The following WDR7 variants were observed in gnomAD, a reference collection of about 807,000 sequenced individuals.
The protein encoded by WDR7 is WD repeat-containing protein 7.
A neutral mutation model predicts 169.4 loss-of-function variants in WDR7; 46 were observed. That is an observed-to-expected ratio of 0.27 (90% CI 0.21 to 0.35). The LOEUF is 0.35. Among genes scored for constraint, WDR7 ranks in the 10% least tolerant of loss-of-function variants. The probability of loss-of-function intolerance (pLI) is 1.00; values close to 1 mark genes in which losing one functional copy is unlikely to be tolerated. For missense variants in WDR7, 1,534 were observed against 1,859.3 expected (o/e 0.83, Z 3.22); for synonymous variants, 612 against 666.8 (o/e 0.92, Z 1.27).
intron 13 of WDR7, chr18:56,721,854 T>C (rs1367021538): frequency 6.6e-6 from 1 of 152,224 alleles, no homozygotes; most frequent in East Asian, 1.9e-4. Context: ...CAAAAGTGAT[T>C]CCCACATCAT....
At chr18:56,757,577 A>T (rs2043913343) in intron 15 of WDR7, among the ~76,000 whole-genome samples, 1 of 152,144 alleles carries the variant, frequency 6.6e-6, no homozygotes, top group Non-Finnish European at 1.5e-5. Flanking sequence ...GATGTTTTTT[A>T]AAAATTTGGA....
At chr18:56,672,031 A>C (rs1300523883) in intron 1 of WDR7, among the ~76,000 whole-genome samples, 1 of 152,102 alleles carries the variant, frequency 6.6e-6, no homozygotes, top group African/African-American at 2.4e-5. Context: ...TTTGTATTTG[A>C]GTTTTATGAC....
chr18:56,716,262 T>A (rs950280246), intron 12 of WDR7, among the ~76,000 whole-genome samples: 2 of 152,218 alleles, frequency 1.3e-5, no homozygotes, highest in Non-Finnish European at 2.9e-5. Context: ...ATAAGTAAGC[T>A]TAAAACATGC....
intron 19 of WDR7, among the ~76,000 whole-genome samples, chr18:56,804,324 T>A (rs1242155507): frequency 6.6e-6 from 1 of 152,146 alleles, no homozygotes; most frequent in Non-Finnish European, 1.5e-5. Flanking sequence ...AAGATTAGAA[T>A]CCTTAAAGTC....
Position 57,027,499 on chromosome 18 carries a change from C to T in WDR7, c.*292C>T, listed in dbSNP as rs1035194931. The T allele has an allele frequency of 8.8e-6, 4 of 453,876 alleles. No individual in the cohort carries two copies. The highest frequency in any genetic ancestry group is 1.6e-5 in the Non-Finnish European group (4 of 250,974). 28.1% of individuals were successfully genotyped at this position (453,876 alleles called of 1,614,324 possible). On this transcript the variant is annotated 3_prime_UTR_variant, in exon 28 of 28. Coordinates refer to ENST00000254442, the MANE Select transcript of WDR7 (RefSeq NM_015285.3). ...AAAGCCAGTGGTTCCTGGGAACGCTCTTGTTGCTTGGTGCAACAGAAGCAC... is the reference window on the plus strand; with the variant it reads ...AAAGCCAGTGGTTCCTGGGAACGCTTTTGTTGCTTGGTGCAACAGAAGCAC...
At chr18:57,016,855 C>A (rs913242429) in intron 26 of WDR7, among the ~76,000 whole-genome samples, 2 of 152,118 alleles carry the variant, frequency 1.3e-5, no homozygotes, top group Non-Finnish European at 2.9e-5. Flanking sequence ...TGTAGCACTT[C>A]CTGAATTTGA....
chr18:56,670,901 T>A (rs2025120539), intron 1 of WDR7, among the ~76,000 whole-genome samples: 1 of 152,148 alleles, frequency 6.6e-6, no homozygotes. Flanking sequence ...GATCTGAGAG[T>A]ACTCTCTTCT....
intron 21 of WDR7, among the ~76,000 whole-genome samples, chr18:56,900,847 G>C (rs1246062341): frequency 6.6e-6 from 1 of 152,116 alleles, no homozygotes; most frequent in Non-Finnish European, 1.5e-5. Context: ...CTTGGGGAGG[G>C]AAGTGTTTTT....
chr18:56,714,193 T>A (rs2026142709), intron 12 of WDR7, among the ~76,000 whole-genome samples: 2 of 152,130 alleles, frequency 1.3e-5, no homozygotes, highest in South Asian at 4.1e-4. Flanking sequence ...TGGACTAGCA[T>A]TTTTTTGAAA....
chr18:56,886,249 A>C (rs2046191592), intron 21 of WDR7, among the ~76,000 whole-genome samples: 1 of 152,202 alleles, frequency 6.6e-6, no homozygotes, highest in African/African-American at 2.4e-5. Flanking sequence ...TAACCTATAA[A>C]GGAAAACCTA....
intron 12 of WDR7, among the ~76,000 whole-genome samples, chr18:56,703,805 GTTTT>G: frequency 6.8e-6 from 1 of 146,032 alleles, no homozygotes; most frequent in East Asian, 2.0e-4. Flanking sequence ...TTGCTTTAAA[GTTTT>G]TTTTTTTGCC....
intron 19 of WDR7, among the ~76,000 whole-genome samples, chr18:56,787,144 T>C (rs2044413485): frequency 6.6e-6 from 1 of 152,060 alleles, no homozygotes; most frequent in African/African-American, 2.4e-5. Context: ...TTTTATGAGG[T>C]CAAGCACCTG....
At chr18:56,691,674 G>T in intron 8 of WDR7, 41 bp from the exon 9 acceptor site, 1 of 1,519,914 alleles carries the variant, frequency 6.6e-7, no homozygotes, top group Non-Finnish European at 9.0e-7. Flanking sequence ...AGTATTTAAT[G>T]TCAGTATTTT....
intron 26 of WDR7, among the ~76,000 whole-genome samples, chr18:56,983,568 CACAGAGAGAGAGAG>C (rs781651829): frequency 7.6e-5 from 11 of 145,176 alleles, no homozygotes; most frequent in Non-Finnish European, 1.3e-4. Context: ...CACACACACA[CACAGAGAGAGAGAG>C]AGAGAGAGAG....
At chr18:56,681,128 T>A (rs945197391) in intron 3 of WDR7, among the ~76,000 whole-genome samples, 185 bp from the exon 4 acceptor site, 1 of 152,004 alleles carries the variant, frequency 6.6e-6, no homozygotes, top group African/African-American at 2.4e-5. Flanking sequence ...GGGTGGGCAG[T>A]TTGGAAGGGG....
chr18:56,996,207 G>T (rs2047897024), intron 26 of WDR7, among the ~76,000 whole-genome samples: 1 of 152,102 alleles, frequency 6.6e-6, no homozygotes, highest in Admixed American at 6.6e-5. Flanking sequence ...CTCCTAAATT[G>T]TTCATCAAGC....
intron 20 of WDR7, among the ~76,000 whole-genome samples, chr18:56,848,316 T>C (rs1425333636): frequency 6.6e-6 from 1 of 152,260 alleles, no homozygotes; most frequent in East Asian, 1.9e-4. Context: ...GTTTACCTTA[T>C]GCCTGTAGCA....
intron 19 of WDR7, among the ~76,000 whole-genome samples, chr18:56,800,008 G>C (rs1226050843): frequency 6.6e-6 from 1 of 152,114 alleles, no homozygotes; most frequent in South Asian, 2.1e-4. Flanking sequence ...AGAGTAGGCT[G>C]CCTTGTTTAA....
At chr18:56,998,044 CT>C (rs1208271380) in intron 26 of WDR7, among the ~76,000 whole-genome samples, 2 of 152,112 alleles carry the variant, frequency 1.3e-5, no homozygotes, top group Admixed American at 6.5e-5. Context: ...TCTTTATGTT[CT>C]GTGCAAAACA....
Sources: gnomAD v4.1 joint callset for allele counts (sites outside exome capture counted in the v4.1 genomes callset) on GRCh38, gnomAD v4.1.1 for gene constraint, MANE v1.5 for transcripts, NCBI Gene and HGNC (gene_info 2026-07-23, HGNC 2026-07-21) for gene names.